EDC3: variants seen among roughly 807,000 people sequenced by gnomAD.
The protein encoded by EDC3 is enhancer of mRNA decapping 3.
EDC3 carries 20 observed loss-of-function variants against 41.8 expected under a neutral mutation model. That is an observed-to-expected ratio of 0.48 (90% CI 0.34 to 0.70). EDC3 has a LOEUF of 0.70. Ranked by LOEUF, EDC3 falls within the 30% of genes least tolerant of loss-of-function variation. EDC3 has a pLI of 0.01. For missense variants in EDC3, 444 were observed against 636.8 expected (o/e 0.70, Z 3.26); for synonymous variants, 206 against 243.2 (o/e 0.85, Z 1.42).
intron 3 of EDC3, among the ~76,000 whole-genome samples, chr15:74,664,907 C>T (rs1425731947): frequency 6.6e-6 from 1 of 152,210 alleles, no homozygotes; most frequent in African/African-American, 2.4e-5. Context: ...AATTCCATCC[C>T]TCATTTCTCT....
At chr15:74,655,659 G>T in intron 4 of EDC3, 74 bp downstream of exon 4, 1 of 1,421,842 alleles carries the variant, frequency 7.0e-7, no homozygotes, top group South Asian at 1.4e-5. Flanking sequence ...TGACTCAGAA[G>T]CCAGGTCTTT....
intron 1 of EDC3, among the ~76,000 whole-genome samples, chr15:74,684,328 A>G (rs536620669): frequency 2.8e-4 from 42 of 150,636 alleles, no homozygotes; most frequent in African/African-American, 9.7e-4. Flanking sequence ...ACACCACCAC[A>G]CCCAGCTAAT....
intron 3 of EDC3, among the ~76,000 whole-genome samples, chr15:74,663,620 G>T (rs1343103447): frequency 2.0e-5 from 3 of 151,294 alleles, no homozygotes; most frequent in Non-Finnish European, 4.4e-5. Context: ...CTGGTCCCAA[G>T]CGTTTTGCGT....
chr15:74,687,729 G>A (rs954766878), intron 1 of EDC3, among the ~76,000 whole-genome samples: 5 of 152,056 alleles, frequency 3.3e-5, no homozygotes, highest in African/African-American at 1.2e-4. Context: ...TGGTAAAAAA[G>A]CACAAAATAC....
intron 3 of EDC3, among the ~76,000 whole-genome samples, chr15:74,663,370 A>G (rs568198435): frequency 2.6e-5 from 4 of 152,328 alleles, no homozygotes; most frequent in African/African-American, 9.6e-5. Context: ...CCACTAGCCC[A>G]GTATTTGTTA....
chr15:74,661,537 G>T (rs911551515), intron 3 of EDC3, among the ~76,000 whole-genome samples: 2 of 151,928 alleles, frequency 1.3e-5, no homozygotes, highest in Non-Finnish European at 2.9e-5. Context: ...CAATACTTTG[G>T]GAGGCCGAGG....
chr15:74,688,501 G>A (rs2062964058), intron 1 of EDC3, among the ~76,000 whole-genome samples: 1 of 152,204 alleles, frequency 6.6e-6, no homozygotes, highest in Non-Finnish European at 1.5e-5. Context: ...CCTACAGGTA[G>A]TTATTATTCT....
chr15:74,678,755 T>C (rs2062835794), intron 1 of EDC3, among the ~76,000 whole-genome samples: 1 of 150,402 alleles, frequency 6.6e-6, no homozygotes, highest in African/African-American at 2.5e-5. Flanking sequence ...CCAGGCATGG[T>C]GGCACGTGCC....
At chr15:74,669,689 T>C (rs2062717854) in intron 3 of EDC3, among the ~76,000 whole-genome samples, 1 of 152,026 alleles carries the variant, frequency 6.6e-6, no homozygotes, top group Non-Finnish European at 1.5e-5. Context: ...GGAGCAACAA[T>C]GGTAGCAAGA....
intron 1 of EDC3, among the ~76,000 whole-genome samples, chr15:74,694,291 G>A (rs922080236): frequency 3.3e-5 from 5 of 151,830 alleles, no homozygotes; most frequent in Non-Finnish European, 7.4e-5. Context: ...CACTGCACTC[G>A]GCCCTAGTCT....
chr15:74,660,307 G>C (rs569798716), intron 3 of EDC3, among the ~76,000 whole-genome samples: 96 of 150,590 alleles, frequency 6.4e-4, no homozygotes, highest in Non-Finnish European at 9.0e-4. Flanking sequence ...GGGAGGCTGA[G>C]GTAGGAGAAT....
Position 74,671,645 on chromosome 15 carries a change from A to G in EDC3, c.294T>C (p.Asn98=). 1.2e-6 allele frequency: 2 copies of G among 1,614,154 alleles called. No individual in the cohort carries two copies. The highest frequency in any genetic ancestry group is 1.1e-5 in the South Asian group (1 of 91,080). ...GCTTCTTGACAAACTTGCCTGTGCC[A>G]TTCTGATTGATGCCCACTTGGCAGC... The part of the protein sequence containing the change: ...GAGCQVGINQ[N]GTGKFVKKPA... The change falls in exon 3 of 7, where the codon AAT becomes AAC. Residue 98 remains asparagine, a synonymous_variant. Coordinates refer to ENST00000315127, the MANE Select transcript of EDC3 (RefSeq NM_025083.5). This position sits in a 1 kb window ranked among gnomAD's most constrained non-coding sequence, Gnocchi z 4.6.
At chr15:74,649,488 A>AT (rs1212204225) in intron 4 of EDC3, among the ~76,000 whole-genome samples, 1 of 152,166 alleles carries the variant, frequency 6.6e-6, no homozygotes, top group Non-Finnish European at 1.5e-5. Context: ...GTGATGAACT[A>AT]TGACTTACCC....
chr15:74,650,136 C>G (rs549186564), intron 4 of EDC3, among the ~76,000 whole-genome samples: 21 of 152,186 alleles, frequency 1.4e-4, no homozygotes, highest in South Asian at 4.1e-4. Flanking sequence ...CTTCTCTCCC[C>G]TCTCGTTCCA....
At chr15:74,691,235 C>G (rs1009277263) in intron 1 of EDC3, among the ~76,000 whole-genome samples, 5 of 152,116 alleles carry the variant, frequency 3.3e-5, no homozygotes, top group Non-Finnish European at 7.4e-5. Flanking sequence ...GGCAAATTAC[C>G]TAATCTGAGT....
intron 1 of EDC3, among the ~76,000 whole-genome samples, chr15:74,688,717 C>T (rs1350204449): frequency 6.6e-6 from 1 of 151,980 alleles, no homozygotes; most frequent in Non-Finnish European, 1.5e-5. Context: ...ACCAATCTAG[C>T]CAACATGGCA....
At position 74,675,133 on chromosome 15, in the gene EDC3, C is replaced by T. The variant is rs768030828; in HGVS notation, c.-9G>A. The T allele has an allele frequency of 1.2e-5, 19 of 1,612,114 alleles. No individual in the cohort carries two copies. Among genetic ancestry groups the T allele is most frequent in the African/African-American group, 5.3e-5 (4 of 74,936 alleles). Reference sequence around the variant, plus strand: ...AGCCAATCTGTAGCCATGTTTCACACGTGAGACCACTGTGAAGAGAAGGAA... The same window carrying T: ...AGCCAATCTGTAGCCATGTTTCACATGTGAGACCACTGTGAAGAGAAGGAA... On this transcript the variant is annotated 5_prime_UTR_variant, in exon 2 of 7. The change creates a new upstream start codon in the 5' untranslated region. Coordinates refer to ENST00000315127, the MANE Select transcript of EDC3 (RefSeq NM_025083.5).
chr15:74,660,934 T>C lies in EDC3; in HGVS notation c.485-4866A>G, dbSNP rs2062613532. Among the ~76,000 whole-genome samples the C allele has an allele frequency of 3.3e-5, 5 of 152,210 alleles. No individual in the cohort carries two copies. The South Asian group carries it at 1.0e-3, about 32-fold the overall frequency. On this transcript the variant is annotated intron_variant, in intron 3 of 6. Coordinates refer to ENST00000315127, the MANE Select transcript of EDC3 (RefSeq NM_025083.5). Reference sequence around the variant, plus strand: ...ATGTGACATTCCATAACAAGAAGTCTATCCATGCAAGTGGTTATACATCAA... The same window carrying C: ...ATGTGACATTCCATAACAAGAAGTCCATCCATGCAAGTGGTTATACATCAA...
At chr15:74,686,919 C>T (rs1179096340) in intron 1 of EDC3, among the ~76,000 whole-genome samples, 1 of 151,696 alleles carries the variant, frequency 6.6e-6, no homozygotes, top group African/African-American at 2.4e-5. Context: ...ACCTGTAATC[C>T]CAGCTACTCA....
Sources: allele counts gnomAD v4.1 joint callset (sites outside exome capture counted in the v4.1 genomes callset), GRCh38; gene constraint gnomAD v4.1.1; non-coding constraint Gnocchi (gnomAD v3.1); transcripts MANE v1.5; gene names NCBI Gene and HGNC (gene_info 2026-07-23, HGNC 2026-07-21).